PTPN4: variants seen among roughly 807,000 people sequenced by gnomAD.
PTPN4 encodes protein tyrosine phosphatase non-receptor type 4.
In PTPN4, 49 loss-of-function variants were observed where a neutral mutation model predicts 135.5. That is an observed-to-expected ratio of 0.36 (90% CI 0.29 to 0.46). The LOEUF (loss-of-function observed/expected upper bound fraction) is 0.46, where lower values mean the gene tolerates loss of function less well. Among genes scored for constraint, PTPN4 ranks in the 20% least tolerant of loss-of-function variants. The probability of loss-of-function intolerance (pLI) is 1.00; values close to 1 mark genes in which losing one functional copy is unlikely to be tolerated. For missense variants in PTPN4, 860 were observed against 1,101.0 expected, an observed-to-expected ratio of 0.78 and a Z score of 3.10; for synonymous variants, 333 against 369.9, an observed-to-expected ratio of 0.90 and a Z score of 1.14.
chr2:119,935,983 C>A (rs769749365), intron 15 of PTPN4, among the ~76,000 whole-genome samples: 3 of 151,966 alleles, frequency 2.0e-5, no homozygotes, highest in Non-Finnish European at 4.4e-5. Flanking sequence ...GACATATAAA[C>A]GCAATTGAAT....
chr2:119,905,035 C>CAAAAAA (rs35974878), intron 10 of PTPN4, among the ~76,000 whole-genome samples: 2 of 96,496 alleles, frequency 2.1e-5, no homozygotes, highest in Non-Finnish European at 4.6e-5. Context: ...GTTATTACTA[C>CAAAAAA]AAAAAAAAAA....
intron 1 of PTPN4, among the ~76,000 whole-genome samples, chr2:119,797,698 A>G (rs935539305): frequency 6.6e-6 from 1 of 152,204 alleles, no homozygotes; most frequent in African/African-American, 2.4e-5. Context: ...ATTTATGGCA[A>G]TAGAAAAAAT....
chr2:119,869,134 A>G (rs974225988), intron 3 of PTPN4, among the ~76,000 whole-genome samples: 18 of 152,202 alleles, frequency 1.2e-4, no homozygotes, highest in Admixed American at 9.8e-4. Context: ...ACTGCTGTGT[A>G]TCTATAGAGT....
rs1269527814 is a variant in PTPN4 at position 119,833,721 on chromosome 2, G to A, written c.138+23730G>A. ...CACAGTGTTTCACCTTTGGGGTTCT[G>A]TAAACAGTATATAATGTAAAATCAA... On this transcript the variant is annotated intron_variant, in intron 2 of 26. Transcript: ENST00000263708. Among the ~76,000 whole-genome samples, 8 of 152,024 alleles carry A rather than the reference G, an allele frequency of 5.3e-5. No homozygotes were observed. In the East Asian group the frequency reaches 1.5e-3, roughly 29 times the overall value.
intron 1 of PTPN4, among the ~76,000 whole-genome samples, chr2:119,761,479 T>C (rs961371650): frequency 6.6e-6 from 1 of 152,228 alleles, no homozygotes; most frequent in African/African-American, 2.4e-5. Flanking sequence ...TAAATTCAGC[T>C]TTCTTTTAAA....
At chr2:119,904,700 T>A (rs1489532516) in intron 10 of PTPN4, among the ~76,000 whole-genome samples, 1 of 152,194 alleles carries the variant, frequency 6.6e-6, no homozygotes, top group African/African-American at 2.4e-5. Context: ...GGCAGATTCC[T>A]AATCAAAAAC....
intron 2 of PTPN4, among the ~76,000 whole-genome samples, chr2:119,815,804 C>T (rs1338927649): frequency 6.6e-6 from 1 of 152,074 alleles, no homozygotes; most frequent in Non-Finnish European, 1.5e-5. Flanking sequence ...AGATTTTCAG[C>T]TTGGTTTTCC....
chr2:119,947,037 A>G (rs993566929), intron 18 of PTPN4, among the ~76,000 whole-genome samples: 2 of 152,170 alleles, frequency 1.3e-5, no homozygotes, highest in African/African-American at 4.8e-5. Context: ...GAGAAAACTT[A>G]TATATCCATT....
At chr2:119,900,342 G>T (rs1678385097) in intron 9 of PTPN4, among the ~76,000 whole-genome samples, 1 of 151,964 alleles carries the variant, frequency 6.6e-6, no homozygotes, top group Non-Finnish European at 1.5e-5. Context: ...TGTGATGTTA[G>T]CATCACAGTT....
At chr2:119,770,872 G>A (rs1460030386) in intron 1 of PTPN4, among the ~76,000 whole-genome samples, 1 of 150,764 alleles carries the variant, frequency 6.6e-6, no homozygotes, top group African/African-American at 2.4e-5. Flanking sequence ...TATCTAAAGG[G>A]TCTAACTTTT....
intron 11 of PTPN4, 34 bp downstream of exon 11, chr2:119,915,276 G>T (rs1558763094): frequency 1.4e-6 from 2 of 1,480,180 alleles, no homozygotes; most frequent in Non-Finnish European, 1.8e-6. Flanking sequence ...TGACATAAAT[G>T]AAGCCTTTTA....
intron 1 of PTPN4, among the ~76,000 whole-genome samples, chr2:119,772,856 T>C (rs977509149): frequency 3.9e-5 from 6 of 152,142 alleles, no homozygotes; most frequent in African/African-American, 1.4e-4. Flanking sequence ...AAATTTTAAA[T>C]AGCAATATGG....
chr2:119,942,056 A>G (rs886358484), intron 15 of PTPN4, among the ~76,000 whole-genome samples: 6 of 152,176 alleles, frequency 3.9e-5, no homozygotes, highest in South Asian at 2.1e-4. Context: ...GTTTAACTCA[A>G]TTATTTTTAT....
At chr2:119,934,701 A>G (rs1352589174) in intron 14 of PTPN4, 99 bp from the exon 15 acceptor site, 7 of 1,252,234 alleles carry the variant, frequency 5.6e-6, no homozygotes, top group Non-Finnish European at 7.9e-6. Flanking sequence ...GCTTGACTTA[A>G]AAACACATAC....
chr2:119,867,644 A>G (rs1314363517), intron 3 of PTPN4, among the ~76,000 whole-genome samples: 1 of 152,136 alleles, frequency 6.6e-6, no homozygotes, highest in Non-Finnish European at 1.5e-5. Context: ...TGTAAATTCT[A>G]TAGAATTTTG....
At chr2:119,792,705 G>T (rs542061508) in intron 1 of PTPN4, among the ~76,000 whole-genome samples, 5 of 152,284 alleles carry the variant, frequency 3.3e-5, no homozygotes, top group Non-Finnish European at 5.9e-5. Flanking sequence ...ATATTTCAAC[G>T]TAGGTTCTTT....
At chr2:119,937,691 G>C (rs572228713) in intron 15 of PTPN4, among the ~76,000 whole-genome samples, 7 of 152,220 alleles carry the variant, frequency 4.6e-5, no homozygotes, top group African/African-American at 1.7e-4. Flanking sequence ...TTGCTACTAT[G>C]TGACAATATA....
At chr2:119,782,947 A>T (rs1013335470) in intron 1 of PTPN4, among the ~76,000 whole-genome samples, 1 of 149,754 alleles carries the variant, frequency 6.7e-6, no homozygotes, top group African/African-American at 2.5e-5. Flanking sequence ...GGCTCAAGGG[A>T]TCCTCCTGCC....
chr2:119,767,318 C>T (rs1690646128), intron 1 of PTPN4, among the ~76,000 whole-genome samples: 1 of 152,182 alleles, frequency 6.6e-6, no homozygotes, highest in South Asian at 2.1e-4. Context: ...CAGGGGAATG[C>T]ACCATTTCTA....
Sources: gnomAD v4.1 joint callset for allele counts (sites outside exome capture counted in the v4.1 genomes callset) on GRCh38, gnomAD v4.1.1 for gene constraint, MANE v1.5 for transcripts, NCBI Gene and HGNC (gene_info 2026-07-23, HGNC 2026-07-21) for gene names.